Variants in CSMD1 observed in about 807,000 individuals in gnomAD.
The protein encoded by CSMD1 is CUB and Sushi multiple domains 1, also known as CUB and sushi domain-containing protein 1.
CSMD1 carries 213 observed loss-of-function variants against 417.5 expected under a neutral mutation model. The ratio of observed to expected loss-of-function variants is 0.51; its 90% CI spans 0.46 to 0.57. The LOEUF (loss-of-function observed/expected upper bound fraction) is 0.57, where lower values mean the gene tolerates loss of function less well. Ranked by LOEUF, CSMD1 falls within the 20% of genes least tolerant of loss-of-function variation. CSMD1 has a pLI of 0.00. For missense variants in CSMD1, 6,923 were observed against 4,529.7 expected (o/e 1.53, Z -15.17); for synonymous variants, 2,862 against 1,736.8 (o/e 1.65, Z -16.11).
intron 3 of CSMD1, among the ~76,000 whole-genome samples, chr8:4,103,714 G>C (rs543523287): frequency 6.6e-6 from 1 of 152,092 alleles, no homozygotes; most frequent in Admixed American, 6.5e-5. Context: ...CCCATGATAA[G>C]AGTTCCTTTA....
At chr8:3,037,392 T>C (rs1158584299) in intron 50 of CSMD1, among the ~76,000 whole-genome samples, 1 of 150,260 alleles carries the variant, frequency 6.7e-6, no homozygotes, top group African/African-American at 2.5e-5. Context: ...GTATTTTTAG[T>C]AGAGATGGGG....
chr8:3,760,955 C>A (rs1322493433), intron 5 of CSMD1, among the ~76,000 whole-genome samples: 1 of 141,922 alleles, frequency 7.0e-6, no homozygotes, highest in African/African-American at 2.6e-5. Context: ...AAAAGATGTG[C>A]TTTTTCTTTT....
chr8:4,726,754 G>A (rs938451364), intron 1 of CSMD1, among the ~76,000 whole-genome samples: 2 of 152,188 alleles, frequency 1.3e-5, no homozygotes, highest in African/African-American at 4.8e-5. Context: ...GGTTATGACT[G>A]CATGTCCTTT....
rs1800403057 is a variant in CSMD1, at chr8:3,582,003, CAGGTTGGTCTTGA to C, written c.1222+4120_1222+4132del. Reference sequence around the variant, plus strand: ...AGAGACAGAGTTTCACTATGTTGGCCAGGTTGGTCTTGAACTCCTGACCTCAGGTGATCTGCCT... The same window carrying C: ...AGAGACAGAGTTTCACTATGTTGGCCACTCCTGACCTCAGGTGATCTGCCT... On this transcript the variant is annotated intron_variant, in intron 9 of 69. Coordinates refer to ENST00000635120, the MANE Select transcript of CSMD1 (RefSeq NM_033225.6). 2.0e-5 allele frequency among the ~76,000 whole-genome samples: 3 copies of C among 152,140 alleles called. No individual in the cohort carries two copies. The South Asian group carries it at 6.2e-4, about 32-fold the overall frequency.
intron 1 of CSMD1, among the ~76,000 whole-genome samples, chr8:4,968,209 G>T (rs927099119): frequency 1.6e-4 from 25 of 151,922 alleles, no homozygotes; most frequent in Non-Finnish European, 4.4e-5. Context: ...TGGTATTTTA[G>T]AATCAGGGTT....
chr8:4,076,720 C>T (rs1355549667), intron 3 of CSMD1, among the ~76,000 whole-genome samples: 4 of 152,220 alleles, frequency 2.6e-5, no homozygotes, highest in African/African-American at 9.6e-5. Context: ...CTACTCATCT[C>T]TGGCTCTCCA....
At chr8:3,006,747 C>T (rs1807940310) in intron 52 of CSMD1, among the ~76,000 whole-genome samples, 2 of 151,872 alleles carry the variant, frequency 1.3e-5, no homozygotes, top group East Asian at 3.9e-4. Flanking sequence ...TGGATCCCTT[C>T]CTTACAGCTT....
Position 3,453,100 on chromosome 8 carries a change from T to G in CSMD1, c.1561+15612A>C, listed in dbSNP as rs1815857799. On this transcript the variant is annotated intron_variant, in intron 12 of 69. Coordinates refer to ENST00000635120, the MANE Select transcript of CSMD1 (RefSeq NM_033225.6). Reference sequence around the variant, plus strand: ...TTTCTTCTAGATTTTCTAGTTCTTTTGCATAGAGGTGGTTATAGTATTCTC... The same window carrying G: ...TTTCTTCTAGATTTTCTAGTTCTTTGGCATAGAGGTGGTTATAGTATTCTC... 2.6e-5 allele frequency among the ~76,000 whole-genome samples: 4 copies of G among 152,228 alleles called. 1 individual carries two copies. Among genetic ancestry groups the G allele is most frequent in the Admixed American group, 1.3e-4 (2 of 15,286 alleles).
At chr8:3,920,844 C>T (rs1479690541) in intron 5 of CSMD1, among the ~76,000 whole-genome samples, 3 of 152,058 alleles carry the variant, frequency 2.0e-5, no homozygotes, top group African/African-American at 4.8e-5. Context: ...GGTGTATGAT[C>T]CCTTTAATGT....
At chr8:4,486,815 G>T (rs796833798) in intron 2 of CSMD1, among the ~76,000 whole-genome samples, 2 of 152,280 alleles carry the variant, frequency 1.3e-5, no homozygotes, top group African/African-American at 4.8e-5. Flanking sequence ...CTGCAAAGGT[G>T]CCTGCAAAAG....
chr8:4,566,471 G>T (rs927882352), intron 2 of CSMD1, among the ~76,000 whole-genome samples: 1 of 150,950 alleles, frequency 6.6e-6, no homozygotes. Flanking sequence ...GGCTAACAAG[G>T]TGAAACCCCG....
At chr8:3,702,668 T>TA (rs1800935867) in intron 7 of CSMD1, among the ~76,000 whole-genome samples, 2 of 152,194 alleles carry the variant, frequency 1.3e-5, no homozygotes, top group Non-Finnish European at 2.9e-5. Flanking sequence ...CCATATCTAC[T>TA]AAAAAATAGA....
intron 3 of CSMD1, among the ~76,000 whole-genome samples, chr8:4,408,676 C>G (rs961344068): frequency 1.3e-5 from 2 of 152,112 alleles, no homozygotes; most frequent in African/African-American, 4.8e-5. Context: ...AGTTCATTTT[C>G]TTGAAACCAA....
chr8:4,794,920 T>C (rs980528), intron 1 of CSMD1, among the ~76,000 whole-genome samples: 17,215 of 151,424 alleles, frequency 0.11, 1,685 homozygotes, highest in African/African-American at 0.27. Context: ...GTTGGTCATT[T>C]AGAACGCTGG....
At chr8:3,574,195 T>C (rs1800052986) in intron 10 of CSMD1, among the ~76,000 whole-genome samples, 1 of 152,236 alleles carries the variant, frequency 6.6e-6, no homozygotes, top group Admixed American at 6.5e-5. Flanking sequence ...ATATAGCTTA[T>C]GAGAAGAAAC....
intron 5 of CSMD1, among the ~76,000 whole-genome samples, chr8:3,878,758 C>T (rs1806003288): frequency 6.6e-6 from 1 of 152,118 alleles, no homozygotes; most frequent in Non-Finnish European, 1.5e-5. Flanking sequence ...TTATGTTGGA[C>T]AGTTATGCTT....
chr8:3,833,741 G>C (rs879910662), intron 5 of CSMD1, among the ~76,000 whole-genome samples: 1 of 152,076 alleles, frequency 6.6e-6, no homozygotes, highest in Non-Finnish European at 1.5e-5. Flanking sequence ...CACTTACATG[G>C]ATAATTTTTA....
At chr8:4,357,502 C>G (rs1473533293) in intron 3 of CSMD1, among the ~76,000 whole-genome samples, 1 of 152,186 alleles carries the variant, frequency 6.6e-6, no homozygotes, top group Non-Finnish European at 1.5e-5. Flanking sequence ...ACTTTATCCA[C>G]AGTTCCTCTG....
chr8:3,536,552 G>C (rs186893988), intron 10 of CSMD1, among the ~76,000 whole-genome samples: 33 of 152,304 alleles, frequency 2.2e-4, no homozygotes, highest in African/African-American at 6.5e-4. Context: ...GATGAGCCTG[G>C]TTCCTGGTAG....
Sources: allele counts gnomAD v4.1 joint callset (sites outside exome capture counted in the v4.1 genomes callset), GRCh38; gene constraint gnomAD v4.1.1; transcripts MANE v1.5; gene names NCBI Gene and HGNC (gene_info 2026-07-23, HGNC 2026-07-21).